The following NCKAP5 variants were observed in gnomAD, a reference collection of about 807,000 sequenced individuals.
NCKAP5 encodes NCK associated protein 5, also known as nck-associated protein 5.
A neutral mutation model predicts 167.0 loss-of-function variants in NCKAP5; 92 were observed. That is an observed-to-expected ratio of 0.55 (90% CI 0.47 to 0.66). NCKAP5 has a LOEUF of 0.66. NCKAP5 is among the 30% of genes least tolerant of loss of function. The pLI, the probability that NCKAP5 is intolerant of heterozygous loss-of-function variation, is 0.00. For synonymous variants in NCKAP5, 891 were observed against 877.4 expected (o/e 1.02, Z -0.27); for missense variants, 2,378 against 2,315.0 (o/e 1.03, Z -0.56).
chr2:132,847,870 T>C (rs1688785183), intron 11 of NCKAP5, among the ~76,000 whole-genome samples: 1 of 152,204 alleles, frequency 6.6e-6, no homozygotes, highest in South Asian at 2.1e-4. Flanking sequence ...AGATCTGTGG[T>C]TGCCTGGGGC....
intron 6 of NCKAP5, among the ~76,000 whole-genome samples, chr2:133,041,303 G>C (rs1399887732): frequency 6.6e-6 from 1 of 152,082 alleles, no homozygotes; most frequent in Admixed American, 6.6e-5. Context: ...TGAAAAATAA[G>C]CATGTCTTCT....
chr2:133,202,456 C>A (rs1422791046), intron 5 of NCKAP5, among the ~76,000 whole-genome samples: 1 of 152,144 alleles, frequency 6.6e-6, no homozygotes, highest in Non-Finnish European at 1.5e-5. Context: ...CTAGGCAATA[C>A]CATTCAGGAC....
chr2:132,702,041 C>T (rs762163078), intron 19 of NCKAP5, among the ~76,000 whole-genome samples: 14 of 152,172 alleles, frequency 9.2e-5, no homozygotes, highest in Non-Finnish European at 1.6e-4. Context: ...AATGGTCTCA[C>T]ATGGTCTCCA....
intron 4 of NCKAP5, among the ~76,000 whole-genome samples, chr2:133,216,087 A>C (rs989146491): frequency 1.3e-5 from 2 of 152,158 alleles, no homozygotes; most frequent in African/African-American, 2.4e-5. Context: ...ACTGCTAAGA[A>C]GGATTAAAGG....
intron 3 of NCKAP5, among the ~76,000 whole-genome samples, chr2:133,492,821 A>C (rs1681590222): frequency 6.6e-6 from 1 of 152,238 alleles, no homozygotes; most frequent in African/African-American, 2.4e-5. Flanking sequence ...TCATAGACTC[A>C]GTGCTTCAGT....
chr2:133,484,822 A>G (rs888359223), intron 3 of NCKAP5, among the ~76,000 whole-genome samples: 6 of 152,224 alleles, frequency 3.9e-5, no homozygotes, highest in African/African-American at 1.4e-4. Flanking sequence ...AAAAATTGAA[A>G]TCTGAAAGAC....
intron 3 of NCKAP5, among the ~76,000 whole-genome samples, chr2:133,406,476 A>G (rs1326224785): frequency 6.6e-6 from 1 of 152,024 alleles, no homozygotes; most frequent in East Asian, 1.9e-4. Context: ...GGCTTCAGAA[A>G]AAGAATCCTC....
intron 16 of NCKAP5, among the ~76,000 whole-genome samples, chr2:132,749,819 G>T (rs1360526500): frequency 6.6e-6 from 1 of 152,154 alleles, no homozygotes; most frequent in Non-Finnish European, 1.5e-5. Context: ...GAACGGAAAT[G>T]GTTAACTGGC....
At chr2:133,378,999 T>C (rs1042079401) in intron 3 of NCKAP5, among the ~76,000 whole-genome samples, 4 of 152,206 alleles carry the variant, frequency 2.6e-5, no homozygotes, top group Non-Finnish European at 4.4e-5. Context: ...CACAGAAGAA[T>C]AAATCCTGGT....
intron 3 of NCKAP5, among the ~76,000 whole-genome samples, chr2:133,514,195 C>T (rs1337182802): frequency 6.6e-6 from 1 of 152,332 alleles, no homozygotes; most frequent in East Asian, 1.9e-4. Flanking sequence ...GTCTTTCTCT[C>T]TGGGCCTTTA....
At chr2:133,062,096 G>A (rs1195879163) in intron 6 of NCKAP5, among the ~76,000 whole-genome samples, 1 of 152,194 alleles carries the variant, frequency 6.6e-6, no homozygotes, top group African/African-American at 2.4e-5. Context: ...GATGGAACAA[G>A]CCAAGTGCTA....
intron 4 of NCKAP5, among the ~76,000 whole-genome samples, chr2:133,252,202 T>C (rs1441194685): frequency 6.6e-6 from 1 of 152,024 alleles, no homozygotes; most frequent in Non-Finnish European, 1.5e-5. Flanking sequence ...AGAAGCTTGG[T>C]TTTCAGATGG....
chr2:133,069,303 C>A (rs185640544), intron 6 of NCKAP5, among the ~76,000 whole-genome samples: 176 of 152,332 alleles, frequency 1.2e-3, no homozygotes, highest in Middle Eastern at 6.8e-3. Flanking sequence ...ATTTTATTAT[C>A]TTTCTAAGCC....
chr2:133,057,322 A>G (rs1265516765), intron 6 of NCKAP5, among the ~76,000 whole-genome samples: 2 of 152,228 alleles, frequency 1.3e-5, no homozygotes, highest in East Asian at 3.8e-4. Context: ...ATCAAAAGCT[A>G]GAAATAATTA....
intron 5 of NCKAP5, 58 bp from the exon 6 acceptor site, chr2:133,130,169 A>G (rs1376797429): frequency 2.3e-5 from 35 of 1,550,318 alleles, no homozygotes; most frequent in Non-Finnish European, 2.8e-5. Context: ...AAAATAAGAA[A>G]TAGCTGGTTA....
intron 6 of NCKAP5, among the ~76,000 whole-genome samples, chr2:133,048,110 C>T (rs2079468298): frequency 6.6e-6 from 1 of 152,168 alleles, no homozygotes; most frequent in South Asian, 2.1e-4. Context: ...GTGAGTTTCA[C>T]AGTCAAAGGA....
chr2:133,209,165 T>C (rs767176930), intron 5 of NCKAP5, among the ~76,000 whole-genome samples: 2 of 151,798 alleles, frequency 1.3e-5, no homozygotes, highest in South Asian at 2.1e-4. Context: ...CATACCAATA[T>C]TGAAGACAAC....
chr2:133,010,151 T>C (rs1457708413), intron 6 of NCKAP5, among the ~76,000 whole-genome samples: 1 of 152,092 alleles, frequency 6.6e-6, no homozygotes, highest in Non-Finnish European at 1.5e-5. Context: ...GAAAAATAAG[T>C]TGGACTTAGC....
At chr2:132,911,016 G>A (rs774952536) in intron 8 of NCKAP5, 44 of 180,572 alleles carry the variant, frequency 2.4e-4, no homozygotes, top group African/African-American at 9.5e-4. Flanking sequence ...CTGATATTCC[G>A]TGCCATGTTG....
Sources: allele counts gnomAD v4.1 joint callset (sites outside exome capture counted in the v4.1 genomes callset), GRCh38; gene constraint gnomAD v4.1.1; transcripts MANE v1.5; gene names NCBI Gene and HGNC (gene_info 2026-07-23, HGNC 2026-07-21).